The following VWA5B2 variants were observed in gnomAD, a reference collection of about 807,000 sequenced individuals.
VWA5B2 encodes von Willebrand factor A domain-containing protein 5B2.
A neutral mutation model predicts 118.5 loss-of-function variants in VWA5B2; 93 were observed. The ratio of observed to expected loss-of-function variants is 0.79; its 90% CI spans 0.66 to 0.93. The LOEUF (loss-of-function observed/expected upper bound fraction) is 0.93. VWA5B2 is among the 40% of genes least tolerant of loss of function. The pLI is 0.00. For missense variants in VWA5B2, 1,546 were observed against 1,672.8 expected (o/e 0.92, Z 1.32); for synonymous variants, 708 against 716.3 (o/e 0.99, Z 0.19).
rs1289042107 is a variant in VWA5B2, at chr3:184,241,727, G to A, written c.3418G>A (p.Val1140Met). ...PSSGSEGPGQ[V>M]DSGRGSDTEA... ...CTCGGGCTCTGAGGGGCCAGGCCAGGTGGACAGTGGGCGGGGCTCAGACAC... is the reference window on the plus strand; with the variant it reads ...CTCGGGCTCTGAGGGGCCAGGCCAGATGGACAGTGGGCGGGGCTCAGACAC... The change falls in exon 20 of 20, where the codon GTG becomes ATG. Residue 1140 changes from valine to methionine, a missense_variant. Physicochemically the swap from Val to Met is conservative, Grantham distance 21. Around this residue, in one of 3 missense-constraint regions of VWA5B2, gnomAD observed 763 missense variants for 766.6 expected, o/e 1.00. Transcript: ENST00000691901. This position sits in a 1 kb window ranked among gnomAD's most constrained non-coding sequence, Gnocchi z 5.1. The A allele has an allele frequency of 4.0e-6, 6 of 1,496,448 alleles. No individual in the cohort carries two copies. In the African/African-American group the frequency reaches 5.5e-5, roughly 14 times the overall value. The allele number at this position is 1,496,448 out of a possible 1,614,324, so 92.7% of individuals were successfully genotyped here.
Position 184,233,392 on chromosome 3 carries a change from C to T in VWA5B2, c.525C>T (p.Asp175=), listed in dbSNP as rs749234716. 22 of 1,534,232 alleles carry T rather than the reference C, an allele frequency of 1.4e-5. No homozygotes were observed. Among genetic ancestry groups the T allele is most frequent in the African/African-American group, 1.2e-4 (9 of 72,458 alleles). The change falls in exon 4 of 20, where the codon GAC becomes GAT. Residue 175 remains aspartate, a synonymous_variant. Coordinates refer to ENST00000691901, the MANE Select transcript of VWA5B2 (RefSeq NM_001390846.1). This position sits in a 1 kb window ranked among gnomAD's most constrained non-coding sequence, Gnocchi z 5.2. The part of the protein sequence containing the change: ...PGPPRPPGLC[D]DSPTSCFGVG... ...CCCCCAGGCCTCCGGGGCTCTGTGA[C>T]GACAGGTTGGGCCTATGGTGATTCT...
Position 184,230,791 on chromosome 3 carries a change from T to C in VWA5B2, c.184T>C (p.Phe62Leu). 1 of 1,244,980 alleles carries C rather than the reference T, an allele frequency of 8.0e-7. No individual in the cohort carries two copies. The highest frequency in any genetic ancestry group is 3.1e-4 in the Middle Eastern group (1 of 3,186). The allele number at this position is 1,244,980 out of a possible 1,614,324, so 77.1% of individuals were successfully genotyped here. Reference sequence around the variant, plus strand: ...GGCCGAGGCCGAGGTGGTGTCCGGCTTCGAGGCCGAGGCCGCCGGACGGCG... The same window carrying C: ...GGCCGAGGCCGAGGTGGTGTCCGGCCTCGAGGCCGAGGCCGCCGGACGGCG... ...PLAEAEVVSG[F>L]EAEAAGRRVS... Residue 62 changes from phenylalanine (F) to leucine (L), a missense_variant, in exon 3 of 20, where the codon TTC (phenylalanine) becomes CTC (leucine). Phe to Leu is a conservative substitution (Grantham distance 22). Transcript: ENST00000691901.
chr3:184,241,506 C>A lies in VWA5B2; in HGVS notation c.3197C>A (p.Ala1066Glu), dbSNP rs536597194. The change falls in exon 20 of 20, where the codon GCA becomes GAA. Residue 1066 changes from alanine (A) to glutamate (E), a missense_variant. By Grantham distance (107) the Ala-to-Glu change is moderately radical. This residue lies in a region of VWA5B2 where 763 missense variants were observed against 766.6 expected (regional missense o/e 1.00). Coordinates refer to ENST00000691901, the MANE Select transcript of VWA5B2 (RefSeq NM_001390846.1). The surrounding 1 kb of genome is among the most constrained non-coding windows in gnomAD (Gnocchi z 5.1). Reference protein sequence around the residue: ...DYLPLVRLQEAPGSFRLDAPF... With the variant: ...DYLPLVRLQEEPGSFRLDAPF... ...TCTCCTCAGGTGCGGCTGCAGGAGG[C>A]ACCAGGCTCCTTCCGCCTGGACGCG... 1.3e-6 allele frequency: 2 copies of A among 1,552,052 alleles called. No homozygotes were observed. The highest frequency in any genetic ancestry group is 1.2e-5 in the South Asian group (1 of 83,970).
Position 184,242,317 on chromosome 3 carries a change from G to C in VWA5B2, c.*279G>C. The C allele has an allele frequency of 1.3e-6, 1 of 788,160 alleles. No individual in the cohort carries two copies. Among genetic ancestry groups the C allele is most frequent in the Non-Finnish European group, 2.1e-6 (1 of 465,862 alleles). 48.8% of individuals were successfully genotyped at this position (788,160 alleles called of 1,614,324 possible). On this transcript the variant is annotated 3_prime_UTR_variant, in exon 20 of 20. Coordinates refer to ENST00000691901, the MANE Select transcript of VWA5B2 (RefSeq NM_001390846.1). ...CAGTCCCCAAATCCTATGCAATAAA[G>C]TGCCTCTTAGGACTGCTTGAGTGAA...
rs771882337 is a variant in VWA5B2 at position 184,233,366 on chromosome 3, C to T, written c.499C>T (p.Pro167Ser). The change falls in exon 4 of 20, where the codon CCC (proline) becomes TCC (serine). Residue 167 changes from proline to serine, a missense_variant. Coordinates refer to ENST00000691901, the MANE Select transcript of VWA5B2 (RefSeq NM_001390846.1). The surrounding 1 kb of genome is among the most constrained non-coding windows in gnomAD (Gnocchi z 5.2). ...GCTGGCCCCGCCAGGCCCGCCGGGG[C>T]CCCCCAGGCCTCCGGGGCTCTGTGA... Reference protein sequence around the residue: ...TPLAPPGPPGPPRPPGLCDDS... With the variant: ...TPLAPPGPPGSPRPPGLCDDS... 6 of 1,536,510 alleles carry T rather than the reference C, an allele frequency of 3.9e-6. No homozygotes were observed. In the African/African-American group the frequency reaches 8.3e-5, roughly 21 times the overall value.
chr3:184,233,422 G>C lies in VWA5B2; in HGVS notation c.530+25G>C. 1 of 1,506,106 alleles carries C rather than the reference G, an allele frequency of 6.6e-7. No individual in the cohort carries two copies. Among genetic ancestry groups the C allele is most frequent in the South Asian group, 1.3e-5 (1 of 76,612 alleles). 93.3% of individuals were successfully genotyped at this position (1,506,106 alleles called of 1,614,324 possible). ...GGTTGGGCCTATGGTGATTCTCTTC[G>C]TCCCTCCCTCGGCTTCTCTGGGTCT... On this transcript the variant is annotated intron_variant, in intron 4 of 19. Coordinates refer to ENST00000691901, the MANE Select transcript of VWA5B2 (RefSeq NM_001390846.1). The surrounding 1 kb of genome is among the most constrained non-coding windows in gnomAD (Gnocchi z 5.2).
Position 184,234,333 on chromosome 3 carries a change from C to CTGTG in VWA5B2, c.758_761dup (p.Thr255CysfsTer10), listed in dbSNP as rs1352612992. On this transcript the variant is annotated frameshift_variant, in exon 6 of 20. Coordinates refer to ENST00000691901, the MANE Select transcript of VWA5B2 (RefSeq NM_001390846.1). LOFTEE classifies it high-confidence loss of function. ...CTCATGCCAGCTCTGCAGCCACCAT[C>CTGTG]TGTGTCACACTGGCAGAGGGCCACC... 2 of 1,551,646 alleles carry CTGTG rather than the reference C, an allele frequency of 1.3e-6. No homozygotes were observed. The highest frequency in any genetic ancestry group is 2.0e-5 in the Admixed American group (1 of 50,994).
Position 184,240,943 on chromosome 3 carries a change from T to G in VWA5B2, c.2878+15T>G. 6.4e-7 allele frequency: 1 copy of G among 1,551,544 alleles called. No homozygotes were observed. The highest frequency in any genetic ancestry group is 2.4e-5 in the East Asian group (1 of 40,914). On this transcript the variant is annotated intron_variant, in intron 17 of 19. Transcript: ENST00000691901. ...GTGCAGCTCAGGTAGGGGCCTCTTC[T>G]GGTGACCTCTCAGGTGCAGCTCTCA...
In VWA5B2 at chr3:184,240,031, A is replaced by C; in HGVS notation, c.2735A>C (p.Asp912Ala). The C allele has an allele frequency of 6.5e-7, 1 of 1,535,254 alleles. No homozygotes were observed. Among genetic ancestry groups the C allele is most frequent in the Non-Finnish European group, 8.8e-7 (1 of 1,139,106 alleles). ...ALRGGAETTA[D>A]RGHARRCWLR... The stretch of plus-strand genomic sequence containing the variant: ...CGAGGAGGGGCAGAGACCACAGCTG[A>C]CCGGGGTGAGTTGCTCATGGGTCCA... Residue 912 changes from aspartate (D) to alanine (A), a missense_variant, in exon 16 of 20, where the codon GAC (aspartate) becomes GCC (alanine). Asp to Ala is a moderately radical substitution (Grantham distance 126). Transcript: ENST00000691901.
chr3:184,241,511 G>A lies in VWA5B2; in HGVS notation c.3202G>A (p.Gly1068Ser). 1 of 1,551,552 alleles carries A rather than the reference G, an allele frequency of 6.4e-7. No individual in the cohort carries two copies. Among genetic ancestry groups the A allele is most frequent in the South Asian group, 1.2e-5 (1 of 84,056 alleles). Reference sequence around the variant, plus strand: ...TCAGGTGCGGCTGCAGGAGGCACCAGGCTCCTTCCGCCTGGACGCGCCCTT... The same window carrying A: ...TCAGGTGCGGCTGCAGGAGGCACCAAGCTCCTTCCGCCTGGACGCGCCCTT... ...LPLVRLQEAPGSFRLDAPFCA... is the reference protein window; with the variant it reads ...LPLVRLQEAPSSFRLDAPFCA... The change falls in exon 20 of 20, where the codon GGC becomes AGC. Residue 1068 changes from glycine (G) to serine (S), a missense_variant. This residue lies in a region of VWA5B2 where 763 missense variants were observed against 766.6 expected (regional missense o/e 1.00). Coordinates refer to ENST00000691901, the MANE Select transcript of VWA5B2 (RefSeq NM_001390846.1). The surrounding 1 kb of genome is among the most constrained non-coding windows in gnomAD (Gnocchi z 5.1).
At chr3:184,235,366 G>T in intron 8 of VWA5B2, 58 bp downstream of exon 8, 1 of 1,519,850 alleles carries the variant, frequency 6.6e-7, no homozygotes. Context: ...TGGGTCTGAG[G>T]AGGGCTGGGG....
In VWA5B2 at chr3:184,235,364, A is replaced by T. The variant is rs923260838; in HGVS notation, c.1101+56A>T. ...GGGGTTGGGTGGGGCAGTGGGTCTG[A>T]GGAGGGCTGGGGGCAGCCTCTTGAA... On this transcript the variant is annotated intron_variant, in intron 8 of 19. Coordinates refer to ENST00000691901, the MANE Select transcript of VWA5B2 (RefSeq NM_001390846.1). The T allele has an allele frequency of 2.3e-5, 35 of 1,524,936 alleles. No individual in the cohort carries two copies. The Admixed American group carries it at 6.8e-4, about 30-fold the overall frequency. The allele number at this position is 1,524,936 out of a possible 1,614,324, so 94.5% of individuals were successfully genotyped here.
At position 184,239,500 on chromosome 3, in the gene VWA5B2, C is replaced by G; in HGVS notation, c.2309C>G (p.Pro770Arg). ...CGGGCAAACCAAGTCCCCGGCCGAC[C>G]CCGGAAACCCTCTTTGGGTGCAATA... ...PGRANQVPGR[P>R]RKPSLGAILD... The change falls in exon 15 of 20, where the codon CCC becomes CGC. Residue 770 changes from proline to arginine, a missense_variant. By Grantham distance (103) the Pro-to-Arg change is moderately radical. This residue lies in a region of VWA5B2 where 763 missense variants were observed against 766.6 expected (regional missense o/e 1.00). Transcript: ENST00000691901. This position sits in a 1 kb window ranked among gnomAD's most constrained non-coding sequence, Gnocchi z 5.1. The G allele has an allele frequency of 6.5e-7, 1 of 1,550,030 alleles. No individual in the cohort carries two copies.
At position 184,236,390 on chromosome 3, in the gene VWA5B2, G is replaced by C. The variant is rs1261140674; in HGVS notation, c.1260G>C (p.Pro420=). 6.5e-7 allele frequency: 1 copy of C among 1,546,344 alleles called. No individual in the cohort carries two copies. The highest frequency in any genetic ancestry group is 1.2e-5 in the South Asian group (1 of 83,964). Residue 420 remains proline (P), a synonymous_variant, in exon 10 of 20, where the codon CCG becomes CCC. Transcript: ENST00000691901. ...ICESIETLQV[P]SGPPDVLAAL... is the part of the protein sequence containing the mutation. ...AGAGCATTGAGACCCTGCAGGTTCC[G>C]AGTGGGCCCCCAGACGTGCTGGCTG...
In VWA5B2 at chr3:184,236,512, G is replaced by A. The variant is rs1388941277; in HGVS notation, c.1382G>A (p.Arg461Gln). The A allele has an allele frequency of 2.3e-5, 36 of 1,548,796 alleles. No homozygotes were observed. Among genetic ancestry groups the A allele is most frequent in the Non-Finnish European group, 3.0e-5 (34 of 1,146,992 alleles). The change falls in exon 10 of 20, where the codon CGA becomes CAA. Residue 461 changes from arginine to glutamine, a missense_variant. By Grantham distance (43) the Arg-to-Gln change is conservative. Coordinates refer to ENST00000691901, the MANE Select transcript of VWA5B2 (RefSeq NM_001390846.1). Reference sequence around the variant, plus strand: ...TCACCCATGGCCGCCACTACCCACCGAACCCTGGAGCTCATGAGGTGGCAC... The same window carrying A: ...TCACCCATGGCCGCCACTACCCACCAAACCCTGGAGCTCATGAGGTGGCAC... ...AASPMAATTHRTLELMRWHRG... is the reference protein window; with the variant it reads ...AASPMAATTHQTLELMRWHRG...
chr3:184,237,471 C>T lies in VWA5B2; in HGVS notation c.1719+60C>T, dbSNP rs1718126499. On this transcript the variant is annotated intron_variant, in intron 12 of 19. Coordinates refer to ENST00000691901, the MANE Select transcript of VWA5B2 (RefSeq NM_001390846.1). This position sits in a 1 kb window ranked among gnomAD's most constrained non-coding sequence, Gnocchi z 5.6. Reference sequence around the variant, plus strand: ...GGTGAGGTAGGGGGGCCTGGGATGGCTGAAGTCCCCGCATCTCTTCCAAAC... The same window carrying T: ...GGTGAGGTAGGGGGGCCTGGGATGGTTGAAGTCCCCGCATCTCTTCCAAAC... The T allele has an allele frequency of 2.0e-6, 3 of 1,474,402 alleles. No homozygotes were observed. In the Admixed American group the frequency reaches 6.3e-5, roughly 31 times the overall value. 91.3% of individuals were successfully genotyped at this position (1,474,402 alleles called of 1,614,324 possible).
At chr3:184,240,068 A>G in intron 16 of VWA5B2, 32 bp downstream of exon 16, 1 of 1,464,520 alleles carries the variant, frequency 6.8e-7, no homozygotes, top group Non-Finnish European at 9.1e-7. Context: ...TCAGGACCCA[A>G]AGGCATGGGC....
intron 11 of VWA5B2, 92 bp downstream of exon 11, chr3:184,236,841 G>A (rs1485754615): frequency 5.3e-6 from 6 of 1,138,250 alleles, no homozygotes; most frequent in African/African-American, 3.1e-5. Flanking sequence ...GCAGGCCATG[G>A]GGGCTCCTGG....
chr3:184,241,650 C>T lies in VWA5B2; in HGVS notation c.3341C>T (p.Pro1114Leu). The stretch of plus-strand genomic sequence containing the variant: ...TCATTGCCCTGGGCACTTCTGGGCC[C>T]TGGTGTTGGCCAGGGTGACAGTGCC... Reference protein sequence around the residue: ...SASLPWALLGPGVGQGDSATA... With the variant: ...SASLPWALLGLGVGQGDSATA... The change falls in exon 20 of 20, where the codon CCT (proline) becomes CTT (leucine). Residue 1114 changes from proline to leucine, a missense_variant. Physicochemically the swap from Pro to Leu is moderately conservative, Grantham distance 98 (BLOSUM62 -3). Transcript: ENST00000691901. This position sits in a 1 kb window ranked among gnomAD's most constrained non-coding sequence, Gnocchi z 5.1. The T allele has an allele frequency of 1.3e-6, 2 of 1,537,612 alleles. No individual in the cohort carries two copies. The highest frequency in any genetic ancestry group is 1.7e-6 in the Non-Finnish European group (2 of 1,145,268).
Sources: gnomAD v4.1 joint callset for allele counts on GRCh38, gnomAD v4.1.1 for gene constraint, gnomAD v4.1.1 regional missense constraint, Gnocchi (gnomAD v3.1) non-coding constraint, MANE v1.5 for transcripts, NCBI Gene and HGNC (gene_info 2026-07-23, HGNC 2026-07-21) for gene names.